The following EDEM2 variants were observed in gnomAD, a reference collection of about 807,000 sequenced individuals.
EDEM2 encodes the protein ER degradation-enhancing alpha-mannosidase-like protein 2.
EDEM2 carries 39 observed loss-of-function variants against 64.8 expected under a neutral mutation model. That is an observed-to-expected ratio of 0.60 (90% CI 0.47 to 0.79). The LOEUF (loss-of-function observed/expected upper bound fraction) is 0.79. Among genes scored for constraint, EDEM2 ranks in the 30% least tolerant of loss-of-function variants. EDEM2 has a pLI of 0.00. For missense variants in EDEM2, 609 were observed against 731.3 expected (o/e 0.83, Z 1.93); for synonymous variants, 296 against 291.5 (o/e 1.02, Z -0.16).
At chr20:35,123,838 G>T (rs200652672) in intron 9 of EDEM2, 52 bp downstream of exon 9, 56 of 1,597,878 alleles carry the variant, frequency 3.5e-5, no homozygotes, top group Non-Finnish European at 4.6e-5. Flanking sequence ...GGGATTTGGG[G>T]TTTCAGCAAC....
chr20:35,124,134 C>A, intron 8 of EDEM2, 100 bp from the exon 9 acceptor site: 1 of 1,443,862 alleles, frequency 6.9e-7, no homozygotes. Context: ...GCCAAAAAGG[C>A]CTTGAATCAA....
At chr20:35,132,727 A>G (rs1478733530) in intron 6 of EDEM2, among the ~76,000 whole-genome samples, 3 of 152,112 alleles carry the variant, frequency 2.0e-5, no homozygotes, top group Non-Finnish European at 4.4e-5. Context: ...TAGTAGAGAC[A>G]TGGTTTCTCC....
intron 2 of EDEM2, among the ~76,000 whole-genome samples, chr20:35,145,401 G>A (rs2146118523): frequency 6.6e-6 from 1 of 152,302 alleles, no homozygotes; most frequent in Non-Finnish European, 1.5e-5. Flanking sequence ...AACAGCAAGA[G>A]GCTGGAAAGA....
chr20:35,129,194 C>T (rs1359730477), intron 7 of EDEM2, among the ~76,000 whole-genome samples: 1 of 152,052 alleles, frequency 6.6e-6, no homozygotes. Context: ...ATTGCCTGAG[C>T]TCAGGAGTTC....
chr20:35,128,501 G>A (rs1600707360), intron 7 of EDEM2, among the ~76,000 whole-genome samples: 2 of 149,810 alleles, frequency 1.3e-5, no homozygotes, highest in East Asian at 3.9e-4. Flanking sequence ...GGGAGGCGGA[G>A]GTTGCAGTGA....
At position 35,142,362 on chromosome 20, in the gene EDEM2, G is replaced by A. The variant is rs1273208963; in HGVS notation, c.364+11C>T. On this transcript the variant is annotated intron_variant, in intron 4 of 10. Transcript: ENST00000374492. ...TTTTTTCTTTTAAAGGTCCTAGAGA[G>A]CAGCCCTTACCTCGAATGTTTGTTT... 3 of 1,602,294 alleles carry A rather than the reference G, an allele frequency of 1.9e-6. No homozygotes were observed. Among genetic ancestry groups the A allele is most frequent in the Admixed American group, 1.7e-5 (1 of 59,820 alleles).
rs940260605 is a variant in EDEM2 at position 35,115,445 on chromosome 20, T to C, written c.1725A>G (p.Leu575=). The change falls in exon 11 of 11, where the codon CTA becomes CTG. Residue 575 remains leucine, a synonymous_variant. Transcript: ENST00000374492. ...AATTATCCAGTGGTTATGAGGAGTC[T>C]AGGAAAACCTGTCCCAGTAATGCCA... ...SKLALLGQVF[L]DSS The C allele has an allele frequency of 6.2e-6, 10 of 1,613,550 alleles. No homozygotes were observed. In the African/African-American group the frequency reaches 1.3e-4, roughly 22 times the overall value.
chr20:35,146,960 C>A (rs778702661), intron 1 of EDEM2, 25 bp from the exon 2 acceptor site: 24 of 1,606,526 alleles, frequency 1.5e-5, no homozygotes, highest in Non-Finnish European at 1.8e-5. Context: ...AGAAATCAGG[C>A]ATGGGGCAAG....
At chr20:35,116,678 A>T (rs909191877) in intron 10 of EDEM2, among the ~76,000 whole-genome samples, 2 of 152,148 alleles carry the variant, frequency 1.3e-5, no homozygotes, top group African/African-American at 4.8e-5. Flanking sequence ...ACTTTTTGTG[A>T]CTATAAACAT....
chr20:35,128,262 A>G (rs972822141), intron 7 of EDEM2, among the ~76,000 whole-genome samples: 5 of 151,644 alleles, frequency 3.3e-5, no homozygotes, highest in South Asian at 2.1e-4. Flanking sequence ...GGGCGCCTGT[A>G]ATCCCAGCTA....
At chr20:35,145,362 T>A (rs2085714936) in intron 2 of EDEM2, among the ~76,000 whole-genome samples, 2 of 152,194 alleles carry the variant, frequency 1.3e-5, no homozygotes, top group Non-Finnish European at 2.9e-5. Context: ...GAACAGCTGT[T>A]TGAGAGTGTT....
chr20:35,138,580 CTT>C (rs1199947248), intron 4 of EDEM2, among the ~76,000 whole-genome samples: 12 of 140,742 alleles, frequency 8.5e-5, no homozygotes, highest in Non-Finnish European at 9.4e-5. Flanking sequence ...ATATGTAGAA[CTT>C]TTTTTTTTTT....
Position 35,144,984 on chromosome 20 carries a change from A to G in EDEM2, c.253T>C (p.Leu85=). 6.2e-7 allele frequency: 1 copy of G among 1,614,122 alleles called. No individual in the cohort carries two copies. Among genetic ancestry groups the G allele is most frequent in the Non-Finnish European group, 8.5e-7 (1 of 1,179,968 alleles). The change falls in exon 3 of 11, where the codon TTG becomes CTG. Residue 85 remains leucine (L), a synonymous_variant. Transcript: ENST00000374492. Reference sequence around the variant, plus strand: ...GAAACAGACGAGATACTTACCAGCAAGGTGTCCAGTGCATCAATTAGAGTC... The same window carrying G: ...GAAACAGACGAGATACTTACCAGCAGGGTGTCCAGTGCATCAATTAGAGTC... ...SLTLIDALDT[L]LILGNVSEFQ...
At chr20:35,122,935 C>T (rs1569175388) in intron 9 of EDEM2, among the ~76,000 whole-genome samples, 1 of 152,118 alleles carries the variant, frequency 6.6e-6, no homozygotes, top group Admixed American at 6.6e-5. Flanking sequence ...GGCTCATAGC[C>T]TGTTTTGGGG....
chr20:35,119,656 G>C (rs1173997219), intron 9 of EDEM2, among the ~76,000 whole-genome samples: 1 of 152,006 alleles, frequency 6.6e-6, no homozygotes, highest in African/African-American at 2.4e-5. Context: ...ATCTAACAAA[G>C]ACGTAGTCAT....
At chr20:35,145,929 G>A (rs1327832451) in intron 2 of EDEM2, among the ~76,000 whole-genome samples, 2 of 148,824 alleles carry the variant, frequency 1.3e-5, no homozygotes, top group East Asian at 3.9e-4. Flanking sequence ...TTGAAGCCAG[G>A]AGGCGGAGTT....
At position 35,115,635 on chromosome 20, in the gene EDEM2, C is replaced by T. The variant is rs760196536; in HGVS notation, c.1535G>A (p.Arg512Lys). The T allele has an allele frequency of 6.2e-7, 1 of 1,614,124 alleles. No homozygotes were observed. The highest frequency in any genetic ancestry group is 8.5e-7 in the Non-Finnish European group (1 of 1,180,028). The change falls in exon 11 of 11, where the codon AGG (arginine) becomes AAG (lysine). Residue 512 changes from arginine (R) to lysine (K), a missense_variant. Physicochemically the swap from Arg to Lys is conservative, Grantham distance 26. Transcript: ENST00000374492. ...AACAGTGTTTTTCTGAAATTTCGAC[C>T]TGCTCCGTTTGAGAGAGTAGAATTC... ...MREFYSLKRSRSKFQKNTVSS... is the reference protein window; with the variant it reads ...MREFYSLKRSKSKFQKNTVSS...
chr20:35,119,347 C>G (rs995285046), intron 9 of EDEM2, among the ~76,000 whole-genome samples: 2 of 152,176 alleles, frequency 1.3e-5, no homozygotes, highest in African/African-American at 4.8e-5. Flanking sequence ...GTAATCCCAG[C>G]ACTTTGGGAG....
Position 35,140,210 on chromosome 20 carries a change from C to T in EDEM2, c.364+2163G>A, listed in dbSNP as rs74893744. ...TCAAAAAAGTGGTAAATAGGCCAGG[C>T]ACAGTGGCTAAACCTGTAATTCCAG... is the stretch of plus-strand genomic sequence containing the variant. On this transcript the variant is annotated intron_variant, in intron 4 of 10. Transcript: ENST00000374492. Among the ~76,000 whole-genome samples the T allele has an allele frequency of 2.0e-3, 309 of 152,276 alleles. 8 individuals are homozygous for T. The East Asian group carries it at 0.053, about 26-fold the overall frequency.
Sources: gnomAD v4.1 joint callset for allele counts (sites outside exome capture counted in the v4.1 genomes callset) on GRCh38, gnomAD v4.1.1 for gene constraint, MANE v1.5 for transcripts, NCBI Gene and HGNC (gene_info 2026-07-23, HGNC 2026-07-21) for gene names.